The following TENM3 variants were observed in gnomAD, a reference collection of about 807,000 sequenced individuals.
The protein encoded by TENM3 is teneurin-3.
Under a neutral mutation model 255.1 loss-of-function variants are expected in TENM3, and 63 were observed. That is an observed-to-expected ratio of 0.25 (90% CI 0.20 to 0.30). TENM3 has a LOEUF of 0.30. Ranked by LOEUF, TENM3 falls within the 10% of genes least tolerant of loss-of-function variation. TENM3 has a pLI of 1.00. For missense variants in TENM3, 2,929 were observed against 3,461.1 expected (o/e 0.85, Z 3.86); for synonymous variants, 1,306 against 1,322.3 (o/e 0.99, Z 0.27).
chr4:181,627,279 T>C, the TENM3 span, among the ~76,000 whole-genome samples: 1 of 152,354 alleles, frequency 6.6e-6, no homozygotes, highest in South Asian at 2.1e-4. Context: ...TGTTTGATGT[T>C]GAGATTGATA....
chr4:181,471,927 T>A, the TENM3 span, among the ~76,000 whole-genome samples: 2 of 152,154 alleles, frequency 1.3e-5, no homozygotes, highest in Non-Finnish European at 2.9e-5. Context: ...AATGATCTAA[T>A]GGTAATAAGC....
chr4:182,524,702 A>G lies in TENM3; in HGVS notation c.512-76222A>G, dbSNP rs572333949. On this transcript the variant is annotated intron_variant, in intron 3 of 27. Transcript: ENST00000511685. ...AAACCAAACTCATATTTGTAAATCC[A>G]AACTCAGAGTCATTGCTTTTTAAGA... 8.7e-4 allele frequency among the ~76,000 whole-genome samples: 132 copies of G among 151,846 alleles called. 4 individuals carry two copies. Among genetic ancestry groups the G allele is most frequent in the African/African-American group, 3.1e-3 (127 of 41,402 alleles).
At chr4:182,133,120 A>G in the TENM3 span, among the ~76,000 whole-genome samples, 2 of 152,184 alleles carry the variant, frequency 1.3e-5, no homozygotes, top group Non-Finnish European at 1.5e-5. Flanking sequence ...TTTTCCCACT[A>G]CTTATCATAA....
At chr4:181,787,689 C>T in the TENM3 span, among the ~76,000 whole-genome samples, 1 of 152,066 alleles carries the variant, frequency 6.6e-6, no homozygotes, top group African/African-American at 2.4e-5. Flanking sequence ...TAGACCGAGC[C>T]TCACTATTTT....
the TENM3 span, among the ~76,000 whole-genome samples, chr4:181,865,500 C>T: frequency 3.0e-4 from 45 of 152,106 alleles, no homozygotes; most frequent in African/African-American, 1.0e-3. Flanking sequence ...TGGTTGACCC[C>T]GAATCCTCTT....
intron 1 of TENM3, among the ~76,000 whole-genome samples, chr4:182,221,437 C>T (rs1226846909): frequency 6.6e-6 from 1 of 152,170 alleles, no homozygotes; most frequent in Non-Finnish European, 1.5e-5. Flanking sequence ...ATAAAGTGGC[C>T]ACTACCCAAA....
At chr4:182,551,051 T>C (rs1403719489) in intron 3 of TENM3, among the ~76,000 whole-genome samples, 1 of 151,890 alleles carries the variant, frequency 6.6e-6, no homozygotes, top group Admixed American at 6.6e-5. Context: ...TGAAACACTG[T>C]CTCTACTAAA....
At chr4:182,303,191 G>C (rs1226583039) in intron 1 of TENM3, among the ~76,000 whole-genome samples, 1 of 152,014 alleles carries the variant, frequency 6.6e-6, no homozygotes, top group African/African-American at 2.4e-5. Context: ...TTTAAACATA[G>C]CTTGTTGAAA....
chr4:182,601,215 A>T (rs1747818159), intron 4 of TENM3, 54 bp downstream of exon 4: 1 of 1,370,728 alleles, frequency 7.3e-7, no homozygotes, highest in Non-Finnish European at 1.0e-6. Flanking sequence ...CACCAGGAGC[A>T]ATTTACTATA....
chr4:181,893,959 A>G, the TENM3 span, among the ~76,000 whole-genome samples: 1 of 152,152 alleles, frequency 6.6e-6, no homozygotes, highest in African/African-American at 2.4e-5. Context: ...AACATCAAAC[A>G]TAAGATGTTG....
At chr4:182,703,950 A>G (rs1758082845) in intron 12 of TENM3, among the ~76,000 whole-genome samples, 1 of 152,194 alleles carries the variant, frequency 6.6e-6, no homozygotes, top group Admixed American at 6.5e-5. Flanking sequence ...CACCACTGTA[A>G]TCACTGTTAT....
chr4:182,689,793 C>T (rs967468427), intron 12 of TENM3, among the ~76,000 whole-genome samples: 1 of 152,230 alleles, frequency 6.6e-6, no homozygotes, highest in African/African-American at 2.4e-5. Flanking sequence ...CGGCCCAGGA[C>T]AGCTTTGAAT....
the TENM3 span, among the ~76,000 whole-genome samples, chr4:181,731,324 A>G: frequency 1.3e-5 from 2 of 152,130 alleles, no homozygotes; most frequent in African/African-American, 2.4e-5. Context: ...AGTATATTTT[A>G]TAAACTTCAG....
intron 4 of TENM3, among the ~76,000 whole-genome samples, chr4:182,615,255 G>T (rs1295395855): frequency 1.3e-5 from 2 of 151,102 alleles, no homozygotes; most frequent in African/African-American, 4.9e-5. Context: ...TTTCATACAG[G>T]TAATAAGTTG....
the TENM3 span, among the ~76,000 whole-genome samples, chr4:182,077,185 A>G: frequency 2.6e-5 from 4 of 152,090 alleles, no homozygotes; most frequent in Non-Finnish European, 5.9e-5. Flanking sequence ...TCATTTCCAG[A>G]GTCTTTTGTT....
At chr4:182,642,031 C>T (rs1213853708) in intron 5 of TENM3, among the ~76,000 whole-genome samples, 1 of 152,170 alleles carries the variant, frequency 6.6e-6, no homozygotes, top group Non-Finnish European at 1.5e-5. Flanking sequence ...ACCCACAAAT[C>T]ATGTAAATGA....
chr4:182,096,240 G>T, the TENM3 span, among the ~76,000 whole-genome samples: 2 of 152,034 alleles, frequency 1.3e-5, no homozygotes, highest in Non-Finnish European at 2.9e-5. Flanking sequence ...GAGTGAAGAA[G>T]GCCCCACTGT....
At chr4:181,935,902 C>T in the TENM3 span, among the ~76,000 whole-genome samples, 2 of 152,198 alleles carry the variant, frequency 1.3e-5, no homozygotes, top group East Asian at 1.9e-4. Context: ...ATCTGGGTTC[C>T]GAATGCATTT....
chr4:182,751,795 C>T lies in TENM3; in HGVS notation c.3630-5C>T. The T allele has an allele frequency of 6.2e-7, 1 of 1,609,874 alleles. No homozygotes were observed. Among genetic ancestry groups the T allele is most frequent in the Non-Finnish European group, 8.5e-7 (1 of 1,176,212 alleles). On this transcript the variant is annotated splice_polypyrimidine_tract_variant and splice_region_variant and intron_variant, in intron 19 of 27. Transcript: ENST00000511685. Reference sequence around the variant, plus strand: ...TTTGATGTTTATCTATGATCCTTTTCACAGCAGCAACCCAGCTCATAGATA... The same window carrying T: ...TTTGATGTTTATCTATGATCCTTTTTACAGCAGCAACCCAGCTCATAGATA...
Sources: gnomAD v4.1 joint callset for allele counts (sites outside exome capture counted in the v4.1 genomes callset) on GRCh38, gnomAD v4.1.1 for gene constraint, MANE v1.5 for transcripts, NCBI Gene and HGNC (gene_info 2026-07-23, HGNC 2026-07-21) for gene names.